NSUN7: variants seen among roughly 807,000 people sequenced by gnomAD.
The protein encoded by NSUN7 is protein NSUN7.
In NSUN7, 39 loss-of-function variants were observed where a neutral mutation model predicts 58.5. The ratio of observed to expected loss-of-function variants is 0.67; its 90% CI spans 0.52 to 0.87. NSUN7 has a LOEUF of 0.87. NSUN7 is among the 40% of genes least tolerant of loss of function. NSUN7 has a pLI of 0.00. For missense variants in NSUN7, 765 were observed against 844.1 expected (o/e 0.91, Z 1.16); for synonymous variants, 278 against 303.7 (o/e 0.92, Z 0.88).
intron 4 of NSUN7, 126 bp downstream of exon 4, chr4:40,761,427 A>G: frequency 4.1e-6 from 3 of 730,672 alleles, no homozygotes; most frequent in Non-Finnish European, 6.3e-6. Context: ...AAAAATTCAT[A>G]AAATTCTTGA....
intron 2 of NSUN7, among the ~76,000 whole-genome samples, chr4:40,752,256 T>C (rs996243497): frequency 1.3e-5 from 2 of 152,206 alleles, no homozygotes; most frequent in African/African-American, 4.8e-5. Flanking sequence ...ATGAGCCTTG[T>C]ACATCCTTGC....
chr4:40,791,181 C>T (rs114629236), intron 8 of NSUN7, among the ~76,000 whole-genome samples: 294 of 152,248 alleles, frequency 1.9e-3, no homozygotes, highest in African/African-American at 6.4e-3. Context: ...AAACATGATT[C>T]TAATTAAATC....
intron 10 of NSUN7, among the ~76,000 whole-genome samples, chr4:40,802,499 TATGTG>T (rs1743627709): frequency 6.6e-6 from 1 of 152,126 alleles, no homozygotes; most frequent in Non-Finnish European, 1.5e-5. Flanking sequence ...CCCTTTTTAT[TATGTG>T]ATGGTCTGGA....
intron 4 of NSUN7, among the ~76,000 whole-genome samples, chr4:40,772,086 T>G (rs1742041736): frequency 6.6e-6 from 1 of 152,168 alleles, no homozygotes; most frequent in South Asian, 2.1e-4. Context: ...TATAACTGCA[T>G]GTACACTTTA....
chr4:40,787,560 T>G (rs1196879068), intron 7 of NSUN7, among the ~76,000 whole-genome samples: 1 of 152,112 alleles, frequency 6.6e-6, no homozygotes, highest in Non-Finnish European at 1.5e-5. Flanking sequence ...GATAGACAAC[T>G]TGCCAAAACT....
At chr4:40,782,242 A>G (rs775763313) in intron 7 of NSUN7, among the ~76,000 whole-genome samples, 1 of 152,192 alleles carries the variant, frequency 6.6e-6, no homozygotes, top group Non-Finnish European at 1.5e-5. Flanking sequence ...ATTTAATACA[A>G]GAAGCTCAAG....
At chr4:40,772,866 C>T (rs1339451158) in intron 4 of NSUN7, among the ~76,000 whole-genome samples, 4 of 152,166 alleles carry the variant, frequency 2.6e-5, no homozygotes, top group South Asian at 4.1e-4. Flanking sequence ...TCTTATTTCT[C>T]ACTCAAGGTT....
At chr4:40,755,452 T>TA (rs879633425) in intron 2 of NSUN7, among the ~76,000 whole-genome samples, 299 of 151,490 alleles carry the variant, frequency 2.0e-3, no homozygotes, top group Middle Eastern at 0.017. Context: ...ACAACAAATT[T>TA]AAAAAAAAAT....
chr4:40,757,521 G>T (rs142793074), intron 2 of NSUN7, among the ~76,000 whole-genome samples: 2 of 146,774 alleles, frequency 1.4e-5, no homozygotes, highest in African/African-American at 2.5e-5. Flanking sequence ...ATATTACTAT[G>T]TGAAAAGGTA....
At position 40,801,370 on chromosome 4, in the gene NSUN7, C is replaced by T. The variant is rs566358279; in HGVS notation, c.1400+2466C>T. ...TGTGGAGATTGAATATATTAACACA[C>T]GAGCAGTATCTGGCATATAATAAAT... is the stretch of plus-strand genomic sequence containing the variant. On this transcript the variant is annotated intron_variant, in intron 10 of 11. Transcript: ENST00000381782. 7.2e-5 allele frequency among the ~76,000 whole-genome samples: 11 copies of T among 152,208 alleles called. No individual in the cohort carries two copies. In the South Asian group the frequency reaches 1.5e-3, roughly 20 times the overall value.
At chr4:40,802,783 C>CTTTTTTT (rs34373539) in intron 10 of NSUN7, among the ~76,000 whole-genome samples, 1 of 138,912 alleles carries the variant, frequency 7.2e-6, no homozygotes, top group Non-Finnish European at 1.6e-5. Flanking sequence ...GCATTCTATT[C>CTTTTTTT]TTTTTTTTTT....
At chr4:40,774,036 G>A (rs1019744120) in intron 4 of NSUN7, among the ~76,000 whole-genome samples, 2 of 152,204 alleles carry the variant, frequency 1.3e-5, no homozygotes, top group African/African-American at 2.4e-5. Flanking sequence ...GACCTCAGGT[G>A]ATCCACTTGC....
Position 40,790,688 on chromosome 4 carries a change from C to T in NSUN7, c.1123C>T (p.Arg375Cys), listed in dbSNP as rs766932705. Residue 375 changes from arginine (R) to cysteine (C), a missense_variant, in exon 8 of 12, where the codon CGT becomes TGT. Transcript: ENST00000381782. ...AGTTAAAGTGATTTTGCTGCTACCT[C>T]GTTGTTCAGGACTGGGTGTTAGTAA... ...QKVKVILLLPRCSGLGVSNPV... is the reference protein window; with the variant it reads ...QKVKVILLLPCCSGLGVSNPV... The T allele has an allele frequency of 1.2e-5, 20 of 1,603,334 alleles. No individual in the cohort carries two copies. The highest frequency in any genetic ancestry group is 6.7e-5 in the African/African-American group (5 of 74,648).
chr4:40,759,666 A>T (rs1261321269), intron 2 of NSUN7, among the ~76,000 whole-genome samples: 2 of 152,236 alleles, frequency 1.3e-5, no homozygotes, highest in Non-Finnish European at 2.9e-5. Context: ...TCTGATACCA[A>T]CACTGACAAG....
chr4:40,804,053 A>T (rs1009844643), intron 10 of NSUN7, among the ~76,000 whole-genome samples: 2 of 152,226 alleles, frequency 1.3e-5, no homozygotes, highest in Non-Finnish European at 2.9e-5. Context: ...TCATAGATGC[A>T]TGGGCTTATT....
At chr4:40,805,581 A>G (rs1743778684) in intron 10 of NSUN7, among the ~76,000 whole-genome samples, 1 of 152,148 alleles carries the variant, frequency 6.6e-6, no homozygotes, top group Non-Finnish European at 1.5e-5. Context: ...ACATCTGCAA[A>G]ATCCCCTTTG....
chr4:40,784,613 G>C (rs1164249991), intron 7 of NSUN7, among the ~76,000 whole-genome samples: 2 of 152,230 alleles, frequency 1.3e-5, no homozygotes, highest in African/African-American at 4.8e-5. Context: ...GTGATGGGCT[G>C]GTTGCCCTTT....
chr4:40,774,704 A>T, intron 5 of NSUN7, 63 bp from the exon 6 acceptor site: 1 of 999,444 alleles, frequency 1.0e-6, no homozygotes, highest in South Asian at 1.7e-5. Context: ...AAAAGGTGTT[A>T]GTGTTAAGGA....
intron 4 of NSUN7, among the ~76,000 whole-genome samples, chr4:40,764,879 T>G (rs1237840840): frequency 6.6e-6 from 1 of 152,214 alleles, no homozygotes; most frequent in Non-Finnish European, 1.5e-5. Flanking sequence ...AAATGTCTTC[T>G]TTTGAGAAGT....
Sources: gnomAD v4.1 joint callset for allele counts (sites outside exome capture counted in the v4.1 genomes callset) on GRCh38, gnomAD v4.1.1 for gene constraint, MANE v1.5 for transcripts, NCBI Gene and HGNC (gene_info 2026-07-23, HGNC 2026-07-21) for gene names.